The following FASN variants were observed in gnomAD, a reference collection of about 807,000 sequenced individuals.
The protein encoded by FASN is 3-hydroxyacyl-[acyl-carrier-protein] dehydratase.
Under a neutral mutation model 250.0 loss-of-function variants are expected in FASN, and 50 were observed. The ratio of observed to expected loss-of-function variants is 0.20; its 90% CI spans 0.16 to 0.25. FASN has a LOEUF of 0.25. FASN is among the 10% of genes least tolerant of loss of function. FASN has a pLI of 1.00. For missense variants in FASN, 3,031 were observed against 3,498.5 expected (o/e 0.87, Z 3.37); for synonymous variants, 1,909 against 1,584.0 (o/e 1.21, Z -4.87).
chr17:82,093,571 C>T (rs1255865820), intron 4 of FASN, 27 bp downstream of exon 4: 1 of 1,612,546 alleles, frequency 6.2e-7, no homozygotes, highest in Non-Finnish European at 8.5e-7. Context: ...GGCCACCCAC[C>T]TCCGCAGGAG....
rs753185828 is a variant in FASN at position 82,091,720 on chromosome 17, C to A, written c.1030-36G>T. On this transcript the variant is annotated intron_variant, in intron 8 of 42. Coordinates refer to ENST00000306749, the MANE Select transcript of FASN (RefSeq NM_004104.5). ...ACGTGGTGGATGGGCAGCCGCCCCA[C>A]TCCCTCTACCACTGCCTGAGCTGGG... The A allele has an allele frequency of 5.9e-5, 90 of 1,522,854 alleles. No homozygotes were observed. In the Admixed American group the frequency reaches 1.7e-3, roughly 29 times the overall value. 94.3% of individuals were successfully genotyped at this position (1,522,854 alleles called of 1,614,324 possible).
chr17:82,096,168 G>A (rs1259194484), intron 2 of FASN, 151 bp downstream of exon 2: 25 of 1,271,112 alleles, frequency 2.0e-5, no homozygotes, highest in African/African-American at 2.9e-5. Context: ...GCTAGGCCTC[G>A]CCCATGGGTG....
Position 82,088,139 on chromosome 17 carries a change from T to A in FASN, c.2762A>T (p.Gln921Leu). 1 of 1,612,774 alleles carries A rather than the reference T, an allele frequency of 6.2e-7. No individual in the cohort carries two copies. Among genetic ancestry groups the A allele is most frequent in the Non-Finnish European group, 8.5e-7 (1 of 1,179,968 alleles). Reference sequence around the variant, plus strand: ...ACCAGTCTTGGGCAGGATGGTGGCCTGGTGCAGCACCACATCCTCAAACAC... The same window carrying A: ...ACCAGTCTTGGGCAGGATGGTGGCCAGGTGCAGCACCACATCCTCAAACAC... ...PVVFEDVVLH[Q>L]ATILPKTGTV... Residue 921 changes from glutamine to leucine, a missense_variant, in exon 17 of 43, where the codon CAG becomes CTG. Physicochemically the swap from Gln to Leu is moderately radical, Grantham distance 113. Transcript: ENST00000306749.
Position 82,080,590 on chromosome 17 carries a change from G to C in FASN, c.6827C>G (p.Ala2276Gly), listed in dbSNP as rs753671120. The C allele has an allele frequency of 4.5e-6, 7 of 1,554,296 alleles. No homozygotes were observed. Among genetic ancestry groups the C allele is most frequent in the Non-Finnish European group, 6.1e-6 (7 of 1,149,824 alleles). The change falls in exon 40 of 43, where the codon GCT becomes GGT. Residue 2276 changes from alanine (A) to glycine (G), a missense_variant and splice_region_variant. By Grantham distance (60) the Ala-to-Gly change is moderately conservative. Transcript: ENST00000306749. ...IPTYGLQCTRAAPLDSIHSLA... is the reference protein window; with the variant it reads ...IPTYGLQCTRGAPLDSIHSLA... ...GCTGTGGATGCTGTCAAGGGGCGCA[G>C]CTGCAATGGCAGTGCCGGGCACTCA...
Position 82,095,580 on chromosome 17 carries a change from C to A in FASN, c.128-108G>T, listed in dbSNP as rs982981641. ...GGGCCATGGTGGAACTGAGGACTCTCTGCTATGCCTGGGAGGCCCAAACAA... is the reference window on the plus strand; with the variant it reads ...GGGCCATGGTGGAACTGAGGACTCTATGCTATGCCTGGGAGGCCCAAACAA... On this transcript the variant is annotated intron_variant, in intron 2 of 42. Coordinates refer to ENST00000306749, the MANE Select transcript of FASN (RefSeq NM_004104.5). 7 of 1,364,734 alleles carry A rather than the reference C, an allele frequency of 5.1e-6. No homozygotes were observed. The African/African-American group carries it at 1.0e-4, about 20-fold the overall frequency. The allele number at this position is 1,364,734 out of a possible 1,614,324, so 84.5% of individuals were successfully genotyped here. A position where few individuals can be genotyped will look rare whatever the true frequency, so the allele number is the denominator to read the frequency against.
rs1328155628 is a variant in FASN at position 82,080,514 on chromosome 17, G to A, written c.6903C>T (p.Pro2301=). ...CGTAGGAGTAGCCGGCCACGCGGTA[G>A]GGGCCCTCGGGCTGCACCTGCCTGA... The part of the protein sequence containing the change: ...DCIRQVQPEG[P]YRVAGYSYGA... Residue 2301 remains proline (P), a synonymous_variant, in exon 40 of 43, where the codon CCC becomes CCT. Coordinates refer to ENST00000306749, the MANE Select transcript of FASN (RefSeq NM_004104.5). 6.4e-7 allele frequency: 1 copy of A among 1,562,476 alleles called. No homozygotes were observed. Among genetic ancestry groups the A allele is most frequent in the Admixed American group, 1.9e-5 (1 of 52,452 alleles).
chr17:82,083,959 G>A lies in FASN; in HGVS notation c.5098+16C>T, dbSNP rs776947751. 40 of 1,543,096 alleles carry A rather than the reference G, an allele frequency of 2.6e-5. No individual in the cohort carries two copies. The highest frequency in any genetic ancestry group is 1.6e-4 in the Admixed American group (8 of 50,934). ...GGCCAGGAGGGCAGCGGGAGGCACC[G>A]GGGGCGGGGCCTTACCCACGGTGGT... On this transcript the variant is annotated intron_variant, in intron 29 of 42. Transcript: ENST00000306749.
chr17:82,091,553 G>A lies in FASN; in HGVS notation c.1161C>T (p.Asn387=), dbSNP rs776330903. ...CGAAGCCAAAGGAGTTGATGCCCAC[G>A]TTGCCGCCACGGACGGGCAGGGGCT... ...VDQPLPVRGG[N]VGINSFGFGG... The change falls in exon 9 of 43, where the codon AAC becomes AAT. Residue 387 remains asparagine (N), a synonymous_variant. Transcript: ENST00000306749. 1.8e-5 allele frequency: 29 copies of A among 1,596,162 alleles called. No homozygotes were observed. Among genetic ancestry groups the A allele is most frequent in the South Asian group, 2.3e-5 (2 of 88,672 alleles).
chr17:82,092,661 T>C (rs774956697), intron 7 of FASN, 36 bp downstream of exon 7: 1 of 1,075,202 alleles, frequency 9.3e-7, no homozygotes, highest in Admixed American at 2.2e-5. Flanking sequence ...GTTAGGCTCA[T>C]GGGGTGGTGA....
chr17:82,081,578 C>A, intron 37 of FASN, 23 bp downstream of exon 37: 2 of 1,611,072 alleles, frequency 1.2e-6, no homozygotes, highest in South Asian at 1.1e-5. Flanking sequence ...ACACCTGGCG[C>A]GGCTCCTACT....
chr17:82,078,871 G>GC lies in FASN; in HGVS notation c.*271dup. The GC allele has an allele frequency of 1.7e-6, 1 of 574,500 alleles. No individual in the cohort carries two copies. The highest frequency in any genetic ancestry group is 3.1e-6 in the Non-Finnish European group (1 of 320,314). 35.6% of individuals were successfully genotyped at this position (574,500 alleles called of 1,614,324 possible). On this transcript the variant is annotated 3_prime_UTR_variant, in exon 43 of 43. Transcript: ENST00000306749. The surrounding 1 kb of genome is among the most constrained non-coding windows in gnomAD (Gnocchi z 5.4). ...AGCGCAGACCCCACGGGCGCACGAGGCCCAGCCCAGTTCCTGCGGGCACGG... is the reference window on the plus strand; with the variant it reads ...AGCGCAGACCCCACGGGCGCACGAGGCCCCAGCCCAGTTCCTGCGGGCACGG...
rs1344113824 is a variant in FASN at position 82,091,606 on chromosome 17, A to C, written c.1108T>G (p.Leu370Val). ...HSPNPEIPAL[L>V]DGRLQVVDQP... ...TCCACCACCTGCAGCCGCCCATCCA[A>C]CAGCGCTGGGATCTCAGGGTTGGGG... The change falls in exon 9 of 43, where the codon TTG becomes GTG. Residue 370 changes from leucine to valine, a missense_variant. Physicochemically the swap from Leu to Val is conservative, Grantham distance 32. Coordinates refer to ENST00000306749, the MANE Select transcript of FASN (RefSeq NM_004104.5). 6.3e-7 allele frequency: 1 copy of C among 1,593,014 alleles called. No homozygotes were observed. The highest frequency in any genetic ancestry group is 1.3e-5 in the African/African-American group (1 of 74,850).
intron 3 of FASN, chr17:82,094,209 T>G: frequency 1.0e-5 from 3 of 287,788 alleles, no homozygotes; most frequent in South Asian, 3.3e-5. Flanking sequence ...CAGGCCGTGA[T>G]AAGGAACCGA....
At chr17:82,096,291 A>C (rs1463928508) in intron 2 of FASN, 28 bp downstream of exon 2, 44 of 1,610,212 alleles carry the variant, frequency 2.7e-5, no homozygotes, top group Non-Finnish European at 3.6e-5. Flanking sequence ...TTCACACCCC[A>C]GGCACGGGGA....
At chr17:82,081,378 A>G (rs1464333688) in intron 37 of FASN, 26 bp from the exon 38 acceptor site, 26 of 1,559,622 alleles carry the variant, frequency 1.7e-5, no homozygotes, top group Admixed American at 3.8e-5. Flanking sequence ...CGGGTCGGCA[A>G]CTCCAGAGGG....
chr17:82,096,827 G>GCCAT, intron 1 of FASN: 1 of 347,992 alleles, frequency 2.9e-6, no homozygotes, highest in East Asian at 7.4e-5. Context: ...CTTGTCCCAG[G>GCCAT]CCATCCCTAG....
Position 82,082,418 on chromosome 17 carries a change from G to C in FASN, c.5920-4C>G. The C allele has an allele frequency of 6.2e-7, 1 of 1,612,676 alleles. No homozygotes were observed. Among genetic ancestry groups the C allele is most frequent in the South Asian group, 1.1e-5 (1 of 91,072 alleles). On this transcript the variant is annotated splice_region_variant and splice_polypyrimidine_tract_variant and intron_variant, in intron 34 of 42. Transcript: ENST00000306749. Reference sequence around the variant, plus strand: ...CCAGCAAGCCATCTCTCAAGACCTGGGGGAGGCATCCTCAGCACTCCCTGC... The same window carrying C: ...CCAGCAAGCCATCTCTCAAGACCTGCGGGAGGCATCCTCAGCACTCCCTGC...
chr17:82,087,761 T>C lies in FASN; in HGVS notation c.2967A>G (p.Glu989=). The C allele has an allele frequency of 6.2e-7, 1 of 1,612,522 alleles. No homozygotes were observed. The highest frequency in any genetic ancestry group is 8.5e-7 in the Non-Finnish European group (1 of 1,179,966). ...CACGCAGACGCAGCTCCTTGTAAAC[T>C]TCAGCCTGGGCCAGGAAGAGGGGCT... ...PTEPLFLAQA[E]VYKELRLRGY... The change falls in exon 19 of 43, where the codon GAA becomes GAG. Residue 989 remains glutamate, a synonymous_variant. Coordinates refer to ENST00000306749, the MANE Select transcript of FASN (RefSeq NM_004104.5).
At chr17:82,086,171 G>C in intron 22 of FASN, 83 bp downstream of exon 22, 1 of 1,532,280 alleles carries the variant, frequency 6.5e-7, no homozygotes, top group Non-Finnish European at 8.7e-7. Flanking sequence ...CCCGCCCCGT[G>C]TCTGTGCTGT....
Sources: allele counts gnomAD v4.1 joint callset, GRCh38; gene constraint gnomAD v4.1.1; non-coding constraint Gnocchi (gnomAD v3.1); transcripts MANE v1.5; gene names NCBI Gene and HGNC (gene_info 2026-07-23, HGNC 2026-07-21).